The following PLCH1 variants were observed in gnomAD, a reference collection of about 807,000 sequenced individuals.
The protein encoded by PLCH1 is 1-phosphatidylinositol 4,5-bisphosphate phosphodiesterase eta-1.
In PLCH1, 60 loss-of-function variants were observed where a neutral mutation model predicts 126.7. The ratio of observed to expected loss-of-function variants is 0.47; its 90% CI spans 0.38 to 0.59. PLCH1 has a LOEUF of 0.59. PLCH1 is among the 20% of genes least tolerant of loss of function. The probability of loss-of-function intolerance (pLI) is 0.00; values close to 1 mark genes in which losing one functional copy is unlikely to be tolerated. For missense variants in PLCH1, 1,723 were observed against 2,040.0 expected (o/e 0.84, Z 2.99); for synonymous variants, 719 against 734.9 (o/e 0.98, Z 0.35).
rs1188453588 is a variant in PLCH1 at position 155,458,470 on chromosome 3, G to GA, written c.2938+26885dup. On this transcript the variant is annotated intron_variant, in intron 21 of 21. Transcript: ENST00000494598. ...GGAAGGAAGGAAAGAAAGAAAGAAA[G>GA]AAAGAAAGAAAGAAAGAAAGAAAGA... is the stretch of plus-strand genomic sequence containing the variant. Among the ~76,000 whole-genome samples, 28 of 97,526 alleles carry GA rather than the reference G, an allele frequency of 2.9e-4. 1 individual carries two copies. The highest frequency in any genetic ancestry group is 2.4e-3 in the African/African-American group (27 of 11,136). The allele number at this position is 97,526 out of a possible 152,430, so 64.0% of individuals were successfully genotyped here.
At chr3:155,569,049 C>G (rs1466150737) in intron 6 of PLCH1, among the ~76,000 whole-genome samples, 6 of 151,826 alleles carry the variant, frequency 4.0e-5, no homozygotes, top group African/African-American at 7.3e-5. Context: ...TGTGTGGCAC[C>G]AAAAAGGCAG....
intron 1 of PLCH1, among the ~76,000 whole-genome samples, chr3:155,712,552 A>G (rs536502890): frequency 1.7e-3 from 244 of 144,512 alleles, no homozygotes; most frequent in African/African-American, 6.4e-3. Flanking sequence ...ACTGTGCTAA[A>G]AAGAAAAAAA....
intron 8 of PLCH1, among the ~76,000 whole-genome samples, chr3:155,562,961 T>C: frequency 6.6e-6 from 1 of 152,174 alleles, no homozygotes; most frequent in East Asian, 1.9e-4. Context: ...CCAACCTACA[T>C]AGCAAAGGCC....
At chr3:155,506,537 A>G (rs1429614908) in intron 12 of PLCH1, among the ~76,000 whole-genome samples, 3 of 106,074 alleles carry the variant, frequency 2.8e-5, no homozygotes, top group South Asian at 3.6e-4. Context: ...AGAGTGTGAT[A>G]TTCCCCTTCC....
chr3:155,536,391 G>A (rs1468877246), intron 10 of PLCH1, among the ~76,000 whole-genome samples: 6 of 152,120 alleles, frequency 3.9e-5, no homozygotes, highest in Admixed American at 3.3e-4. Flanking sequence ...ATGCACCAGA[G>A]ACAGGTGGAA....
chr3:155,736,875 G>C (rs184864644), intron 1 of PLCH1, among the ~76,000 whole-genome samples: 2 of 148,004 alleles, frequency 1.4e-5, no homozygotes, highest in Non-Finnish European at 3.0e-5. Flanking sequence ...TTCTTTCTTT[G>C]TTTTTATTTT....
chr3:155,597,239 T>C (rs777696887), intron 2 of PLCH1, among the ~76,000 whole-genome samples: 48 of 152,332 alleles, frequency 3.2e-4, no homozygotes, highest in Non-Finnish European at 6.0e-4. Flanking sequence ...GGAGCAAATC[T>C]GACTCCCTCC....
intron 3 of PLCH1, among the ~76,000 whole-genome samples, 183 bp downstream of exon 3, chr3:155,596,049 A>G (rs1732940174): frequency 6.6e-6 from 1 of 152,144 alleles, no homozygotes; most frequent in Admixed American, 6.6e-5. Context: ...TGGACAAGAA[A>G]ACTTTTATGG....
At chr3:155,490,971 G>A (rs1716087930) in intron 18 of PLCH1, 103 bp from the exon 19 acceptor site, 2 of 651,534 alleles carry the variant, frequency 3.1e-6, no homozygotes, top group African/African-American at 1.8e-5. Context: ...GACAGCAACT[G>A]ATTTTACAAG....
At chr3:155,513,832 G>A (rs1256146215) in intron 12 of PLCH1, among the ~76,000 whole-genome samples, 2 of 152,058 alleles carry the variant, frequency 1.3e-5, no homozygotes, top group Non-Finnish European at 2.9e-5. Flanking sequence ...CCTATACTCT[G>A]GCCAAGTACT....
intron 9 of PLCH1, 94 bp downstream of exon 9, chr3:155,553,982 C>T: frequency 3.2e-6 from 4 of 1,240,330 alleles, no homozygotes; most frequent in Non-Finnish European, 4.6e-6. Context: ...AGTGTAGAGT[C>T]CAAGGAAGAG....
chr3:155,575,819 A>T (rs1053686620), intron 6 of PLCH1, among the ~76,000 whole-genome samples: 27 of 151,974 alleles, frequency 1.8e-4, no homozygotes, highest in Admixed American at 1.2e-3. Flanking sequence ...ACCACACCCA[A>T]CTAATTTTTG....
intron 21 of PLCH1, among the ~76,000 whole-genome samples, chr3:155,461,353 G>A (rs1290421807): frequency 6.6e-6 from 1 of 152,148 alleles, no homozygotes; most frequent in Non-Finnish European, 1.5e-5. Context: ...ATCCTGTGAG[G>A]TAAAACCTGA....
At chr3:155,535,798 C>T (rs1182659916) in intron 10 of PLCH1, among the ~76,000 whole-genome samples, 1 of 152,170 alleles carries the variant, frequency 6.6e-6, no homozygotes, top group Admixed American at 6.5e-5. Flanking sequence ...TTAGGGCAAG[C>T]TTGTATCAGC....
chr3:155,604,716 T>C (rs1309590092), intron 2 of PLCH1, among the ~76,000 whole-genome samples: 1 of 152,134 alleles, frequency 6.6e-6, no homozygotes, highest in Non-Finnish European at 1.5e-5. Context: ...ATACTAAAAA[T>C]TCATAACAAT....
intron 2 of PLCH1, among the ~76,000 whole-genome samples, chr3:155,674,633 T>C (rs980657142): frequency 1.3e-5 from 2 of 152,024 alleles, no homozygotes; most frequent in Admixed American, 6.6e-5. Flanking sequence ...TAATAGAAAA[T>C]CTATTAAATA....
intron 2 of PLCH1, chr3:155,676,271 G>A: frequency 8.4e-7 from 1 of 1,185,486 alleles, no homozygotes. Context: ...ATAGAACTTT[G>A]TCCCAAAGTG....
At chr3:155,458,341 C>CAA (rs552915955) in intron 21 of PLCH1, among the ~76,000 whole-genome samples, 1 of 81,554 alleles carries the variant, frequency 1.2e-5, no homozygotes, top group Non-Finnish European at 2.3e-5. Context: ...GACTCCATGT[C>CAA]AAAAAAAAAA....
At chr3:155,606,589 A>G (rs1363073551) in intron 2 of PLCH1, among the ~76,000 whole-genome samples, 3 of 152,090 alleles carry the variant, frequency 2.0e-5, no homozygotes, top group Admixed American at 2.0e-4. Context: ...GTAACCATTC[A>G]CTCTAAGTGG....
Sources: allele counts gnomAD v4.1 joint callset (sites outside exome capture counted in the v4.1 genomes callset), GRCh38; gene constraint gnomAD v4.1.1; transcripts MANE v1.5; gene names NCBI Gene and HGNC (gene_info 2026-07-23, HGNC 2026-07-21).